VCAN: variants seen among roughly 807,000 people sequenced by gnomAD.
VCAN encodes the protein versican core protein.
Under a neutral mutation model 245.5 loss-of-function variants are expected in VCAN, and 44 were observed. The ratio of observed to expected loss-of-function variants is 0.18; its 90% confidence interval spans 0.14 to 0.23. The LOEUF is 0.23. Among genes scored for constraint, VCAN ranks in the 10% least tolerant of loss-of-function variants. The pLI is 1.00. For synonymous variants in VCAN, 1,413 were observed against 1,437.0 expected, an observed-to-expected ratio of 0.98 and a Z score of 0.38; for missense variants, 3,793 against 4,057.9, an observed-to-expected ratio of 0.93 and a Z score of 1.77.
intron 1 of VCAN, among the ~76,000 whole-genome samples, chr5:83,474,438 G>A (rs1299135708): frequency 6.6e-6 from 1 of 152,208 alleles, no homozygotes; most frequent in East Asian, 1.9e-4. Context: ...AGGCGTGCCG[G>A]GATGGAAGGG....
At chr5:83,497,550 T>C (rs967180049) in intron 5 of VCAN, among the ~76,000 whole-genome samples, 1 of 152,200 alleles carries the variant, frequency 6.6e-6, no homozygotes, top group Non-Finnish European at 1.5e-5. Context: ...AGAAATGGTC[T>C]GGAAATTATG....
At chr5:83,536,012 C>T (rs956610716) in intron 7 of VCAN, 1 of 152,136 alleles carries the variant, frequency 6.6e-6, no homozygotes, top group African/African-American at 2.4e-5. Flanking sequence ...TCAGAATTTC[C>T]TCTTTCCTAG....
At chr5:83,535,634 A>G (rs1480303694) in intron 7 of VCAN, 3 of 152,162 alleles carry the variant, frequency 2.0e-5, no homozygotes, top group African/African-American at 7.2e-5. Flanking sequence ...AGCAAAAGCT[A>G]GATATTGTTT....
rs2290672 is a variant in VCAN, at chr5:83,554,768, C to T, written c.9653-188C>T. 0.48 allele frequency among the ~76,000 whole-genome samples: 73,279 copies of T among 151,996 alleles called. 17,832 individuals are homozygous for T. Among genetic ancestry groups the T allele is most frequent in the Admixed American group, 0.51 (7,761 of 15,268 alleles). On this transcript the variant is annotated intron_variant, in intron 11 of 14. Coordinates refer to ENST00000265077, the MANE Select transcript of VCAN (RefSeq NM_004385.5). ...TGCTTCACAGGGTTTGCACATTAAC[C>T]TTTTCATTTAAAGCACATTGGGCAG...
chr5:83,539,617 T>G lies in VCAN; in HGVS notation c.6614T>G (p.Phe2205Cys), dbSNP rs1167100673. The G allele has an allele frequency of 6.2e-7, 1 of 1,613,972 alleles. No homozygotes were observed. Among genetic ancestry groups the G allele is most frequent in the African/African-American group, 1.3e-5 (1 of 74,944 alleles). Residue 2205 changes from phenylalanine (F) to cysteine (C), a missense_variant, in exon 8 of 15, where the codon TTT becomes TGT. This residue lies in a region of VCAN where 3,182 missense variants were observed against 3,250.3 expected (regional missense o/e 0.98). Transcript: ENST00000265077. ...CCTGAAGCTACTGAAAAGTCACATT[T>G]TTTCTTAGCTACTGCATTAGTAACT... is the stretch of plus-strand genomic sequence containing the variant. The part of the protein sequence containing the change: ...TLPEATEKSH[F>C]FLATALVTES...
chr5:83,530,637 A>G (rs1355561085), intron 7 of VCAN, among the ~76,000 whole-genome samples: 1 of 152,188 alleles, frequency 6.6e-6, no homozygotes, highest in African/African-American at 2.4e-5. Flanking sequence ...TAGAAAATGT[A>G]TAACATTACT....
chr5:83,482,358 GC>G (rs1258030804), intron 1 of VCAN, among the ~76,000 whole-genome samples: 1 of 151,894 alleles, frequency 6.6e-6, no homozygotes, highest in African/African-American at 2.4e-5. Context: ...CATCTCACTG[GC>G]CAAAACTATA....
chr5:83,517,682 AG>A (rs1417751722), intron 6 of VCAN, among the ~76,000 whole-genome samples: 1 of 152,214 alleles, frequency 6.6e-6, no homozygotes, highest in East Asian at 1.9e-4. Context: ...ATGTAGAAAA[AG>A]CTTTTCTTTA....
At position 83,537,067 on chromosome 5, in the gene VCAN, A is replaced by G. The variant is rs369244110; in HGVS notation, c.4064A>G (p.Glu1355Gly). 2 of 1,612,868 alleles carry G rather than the reference A, an allele frequency of 1.2e-6. No homozygotes were observed. The highest frequency in any genetic ancestry group is 2.7e-5 in the African/African-American group (2 of 74,838). Residue 1355 changes from glutamate (E) to glycine (G), a missense_variant, in exon 8 of 15, where the codon GAA becomes GGA. Transcript: ENST00000265077. ...ATAGATTCAGAATCTAAAGAAGATG[A>G]ACCTTGTAGTGAAGAAACAGATCCA... Reference protein sequence around the residue: ...HPIDSESKEDEPCSEETDPVH... With the variant: ...HPIDSESKEDGPCSEETDPVH...
chr5:83,526,443 G>T (rs1198207656), intron 7 of VCAN, among the ~76,000 whole-genome samples: 4 of 152,102 alleles, frequency 2.6e-5, no homozygotes, highest in African/African-American at 9.7e-5. Context: ...CAAAAGAGTA[G>T]CTGTGTTGGT....
chr5:83,487,281 G>A (rs992551950), intron 2 of VCAN, among the ~76,000 whole-genome samples: 19 of 152,292 alleles, frequency 1.2e-4, no homozygotes, highest in Admixed American at 1.1e-3. Context: ...AAATTGTGCA[G>A]ATGGAATTTA....
intron 7 of VCAN, among the ~76,000 whole-genome samples, chr5:83,532,234 G>A (rs555585956): frequency 1.1e-3 from 173 of 152,152 alleles, no homozygotes; most frequent in African/African-American, 4.0e-3. Flanking sequence ...CTCTAATAAC[G>A]TGTGTGGTGG....
Position 83,545,628 on chromosome 5 carries a change from C to T in VCAN, c.9357C>T (p.Tyr3119=), listed in dbSNP as rs2112457104. ...ACGTATGCACCTGTGTGCCAGGATA[C>T]AGCGGAGACCAGTGTGAACTTGGTA... ...TSYVCTCVPG[Y]SGDQCELDFD... The change falls in exon 9 of 15, where the codon TAC becomes TAT. Residue 3119 remains tyrosine (Y), a synonymous_variant. Transcript: ENST00000265077. 6.2e-7 allele frequency: 1 copy of T among 1,614,048 alleles called. No homozygotes were observed.
At position 83,490,413 on chromosome 5, in the gene VCAN, G is replaced by T. The variant is rs370476323; in HGVS notation, c.386G>T (p.Arg129Leu). The change falls in exon 3 of 15, where the codon CGC becomes CTC. Residue 129 changes from arginine to leucine, a missense_variant. Arg to Leu is a moderately radical substitution (Grantham distance 102). Coordinates refer to ENST00000265077, the MANE Select transcript of VCAN (RefSeq NM_004385.5). ...KLLASDAGLY[R>L]CDVMYGIEDT... ...CTGGCAAGTGATGCGGGTCTTTACC[G>T]CTGTGACGTCATGTACGGGATTGAA... 1.1e-5 allele frequency: 18 copies of T among 1,614,046 alleles called. No individual in the cohort carries two copies. Among genetic ancestry groups the T allele is most frequent in the African/African-American group, 4.0e-5 (3 of 74,908 alleles).
intron 7 of VCAN, among the ~76,000 whole-genome samples, chr5:83,530,300 T>C (rs1746467380): frequency 6.6e-6 from 1 of 152,186 alleles, no homozygotes; most frequent in Non-Finnish European, 1.5e-5. Flanking sequence ...TTCTTGCATA[T>C]TTATAGAATG....
At chr5:83,569,480 A>G (rs1748204101) in intron 12 of VCAN, among the ~76,000 whole-genome samples, 1 of 152,234 alleles carries the variant, frequency 6.6e-6, no homozygotes, top group Non-Finnish European at 1.5e-5. Flanking sequence ...AGTAATGAGC[A>G]AAAGAAACCA....
In VCAN at chr5:83,519,300, G is replaced by A. The variant is rs757675643; in HGVS notation, c.1043-49G>A. ...CACTTAACAAACACTGGGCATACAAGTTTTTATTAGTGACTTGTCTAATCA... is the reference window on the plus strand; with the variant it reads ...CACTTAACAAACACTGGGCATACAAATTTTTATTAGTGACTTGTCTAATCA... On this transcript the variant is annotated intron_variant, in intron 6 of 14. Coordinates refer to ENST00000265077, the MANE Select transcript of VCAN (RefSeq NM_004385.5). 1.4e-5 allele frequency: 22 copies of A among 1,602,226 alleles called. No individual in the cohort carries two copies. In the South Asian group the frequency reaches 2.3e-4, roughly 17 times the overall value.
intron 1 of VCAN, among the ~76,000 whole-genome samples, chr5:83,479,954 T>C (rs964787410): frequency 6.6e-6 from 1 of 152,110 alleles, no homozygotes; most frequent in Admixed American, 6.5e-5. Flanking sequence ...AGAGACTAAG[T>C]GGGGGCAGTA....
At chr5:83,474,741 CGA>C (rs1187266388) in intron 1 of VCAN, among the ~76,000 whole-genome samples, 2 of 152,238 alleles carry the variant, frequency 1.3e-5, no homozygotes, top group African/African-American at 4.8e-5. Context: ...CCAGCTTAAC[CGA>C]GAGAGCCGAG....
Sources: gnomAD v4.1 joint callset for allele counts (sites outside exome capture counted in the v4.1 genomes callset) on GRCh38, gnomAD v4.1.1 for gene constraint, gnomAD v4.1.1 regional missense constraint, MANE v1.5 for transcripts, NCBI Gene and HGNC (gene_info 2026-07-23, HGNC 2026-07-21) for gene names.